Variants in TEAD1 observed in about 807,000 individuals in gnomAD.
The protein encoded by TEAD1 is transcriptional enhancer factor TEF-1.
Under a neutral mutation model 54.9 loss-of-function variants are expected in TEAD1, and 9 were observed. That is an observed-to-expected ratio of 0.16 (90% confidence interval 0.10 to 0.29). The LOEUF is 0.29. Among genes scored for constraint, TEAD1 ranks in the 10% least tolerant of loss-of-function variants. TEAD1 has a pLI of 1.00. For synonymous variants in TEAD1, 200 were observed against 187.8 expected, an observed-to-expected ratio of 1.07 and a Z score of -0.53; for missense variants, 387 against 535.9, an observed-to-expected ratio of 0.72 and a Z score of 2.74.
intron 3 of TEAD1, among the ~76,000 whole-genome samples, chr11:12,825,078 T>A (rs1278145791): frequency 6.6e-6 from 1 of 152,204 alleles, no homozygotes; most frequent in Non-Finnish European, 1.5e-5. Context: ...TTCATCAGTA[T>A]AAGAAAATAT....
intron 2 of TEAD1, among the ~76,000 whole-genome samples, chr11:12,748,912 C>CAGGAGGGG (rs1176699722): frequency 1.3e-5 from 2 of 151,832 alleles, no homozygotes; most frequent in Non-Finnish European, 2.9e-5. Context: ...TCATTTAGAT[C>CAGGAGGGG]AGGAGGGGAG....
At position 12,930,224 on chromosome 11, in the gene TEAD1, C is replaced by T. The variant is rs539505905; in HGVS notation, c.1065C>T (p.Arg355=). 3 of 1,614,230 alleles carry T rather than the reference C, an allele frequency of 1.9e-6. No individual in the cohort carries two copies. Among genetic ancestry groups the T allele is most frequent in the African/African-American group, 2.7e-5 (2 of 75,058 alleles). The change falls in exon 12 of 13, where the codon CGC becomes CGT. Residue 355 remains arginine (R), a synonymous_variant. Transcript: ENST00000527636. ...GCCGATTTGTATACCGAATAAACCG[C>T]TCCCCAATGTGTGAATATATGATCA... is the stretch of plus-strand genomic sequence containing the variant.
intron 3 of TEAD1, among the ~76,000 whole-genome samples, chr11:12,821,154 G>T (rs1206003973): frequency 1.3e-5 from 2 of 152,188 alleles, no homozygotes; most frequent in Non-Finnish European, 2.9e-5. Context: ...GCCAGATCCT[G>T]TGTGGGATAC....
chr11:12,834,457 C>A (rs1946843247), intron 3 of TEAD1, among the ~76,000 whole-genome samples: 1 of 152,210 alleles, frequency 6.6e-6, no homozygotes, highest in Non-Finnish European at 1.5e-5. Context: ...CTTAATTGGT[C>A]TGAGGCTGTT....
At chr11:12,773,238 G>A (rs748547648) in intron 3 of TEAD1, among the ~76,000 whole-genome samples, 13 of 152,204 alleles carry the variant, frequency 8.5e-5, no homozygotes, top group Non-Finnish European at 1.2e-4. Flanking sequence ...GAACATACAC[G>A]TATAGGTCTT....
At chr11:12,894,575 C>G (rs1021836662) in intron 9 of TEAD1, among the ~76,000 whole-genome samples, 1 of 152,162 alleles carries the variant, frequency 6.6e-6, no homozygotes, top group East Asian at 1.9e-4. Context: ...AGGTAGGAAG[C>G]AGGTATCTGG....
At chr11:12,788,927 G>T (rs1438967184) in intron 3 of TEAD1, among the ~76,000 whole-genome samples, 1 of 152,132 alleles carries the variant, frequency 6.6e-6, no homozygotes, top group African/African-American at 2.4e-5. Context: ...TTAAGAGATG[G>T]GGTTTAGAGA....
intron 9 of TEAD1, among the ~76,000 whole-genome samples, chr11:12,893,932 G>A (rs1038205261): frequency 6.6e-5 from 10 of 152,258 alleles, no homozygotes; most frequent in South Asian, 2.1e-4. Flanking sequence ...CTGAATGTGC[G>A]GGAACCTGTC....
chr11:12,695,941 T>A (rs1943571172), intron 2 of TEAD1, among the ~76,000 whole-genome samples: 1 of 152,204 alleles, frequency 6.6e-6, no homozygotes, highest in Non-Finnish European at 1.5e-5. Flanking sequence ...AGATTCCTGC[T>A]AAGAACTCTT....
intron 2 of TEAD1, among the ~76,000 whole-genome samples, chr11:12,734,396 TAAG>T (rs1183578186): frequency 1.3e-5 from 2 of 152,314 alleles, no homozygotes; most frequent in South Asian, 4.1e-4. Flanking sequence ...TGCAGTGAGC[TAAG>T]GTTATTTTAT....
At chr11:12,750,038 T>A (rs1003723747) in intron 2 of TEAD1, among the ~76,000 whole-genome samples, 1 of 152,202 alleles carries the variant, frequency 6.6e-6, no homozygotes, top group African/African-American at 2.4e-5. Context: ...TATTTGTCGT[T>A]TAAAGGGTGG....
At chr11:12,709,188 A>G (rs1460005419) in intron 2 of TEAD1, among the ~76,000 whole-genome samples, 1 of 152,028 alleles carries the variant, frequency 6.6e-6, no homozygotes, top group African/African-American at 2.4e-5. Flanking sequence ...AAATACAAAA[A>G]TTGGTTGGGC....
rs141967089 is a variant in TEAD1 at position 12,786,421 on chromosome 11, G to A, written c.202+21987G>A. 2.9e-3 allele frequency among the ~76,000 whole-genome samples: 442 copies of A among 152,262 alleles called. 2 individuals are homozygous for A. The highest frequency in any genetic ancestry group is 3.7e-3 in the Non-Finnish European group (251 of 68,000). Reference sequence around the variant, plus strand: ...CAGCTGACCAGAGTGGTCTGGATTTGCCCATTCTCTCACTGGAGTTAGGAG... The same window carrying A: ...CAGCTGACCAGAGTGGTCTGGATTTACCCATTCTCTCACTGGAGTTAGGAG... On this transcript the variant is annotated intron_variant, in intron 3 of 12. Transcript: ENST00000527636.
rs973892078 is a variant in TEAD1, at chr11:12,941,160, G to A, written c.*3938G>A. The A allele has an allele frequency of 6.6e-6, 1 of 152,224 alleles. No individual in the cohort carries two copies. The highest frequency in any genetic ancestry group is 2.4e-5 in the African/African-American group (1 of 41,434). The allele number at this position is 152,224 out of a possible 1,614,324, so 9.4% of individuals were successfully genotyped here. On this transcript the variant is annotated 3_prime_UTR_variant, in exon 13 of 13. Coordinates refer to ENST00000527636, the MANE Select transcript of TEAD1 (RefSeq NM_021961.6). The stretch of plus-strand genomic sequence containing the variant: ...GACAGGTCAGCTTAGAAGAGATGGG[G>A]AGATTCAGGATCCCCCTGTGCCAGA...
At chr11:12,711,190 G>C (rs373120561) in intron 2 of TEAD1, among the ~76,000 whole-genome samples, 16 of 152,136 alleles carry the variant, frequency 1.1e-4, no homozygotes, top group African/African-American at 3.9e-4. Context: ...AGTCACTGGG[G>C]AGGCCACTGC....
intron 2 of TEAD1, among the ~76,000 whole-genome samples, chr11:12,761,666 A>G (rs559110574): frequency 6.6e-6 from 1 of 152,292 alleles, no homozygotes; most frequent in East Asian, 1.9e-4. Context: ...GATGGTTTCT[A>G]GTCTGGAAGA....
chr11:12,798,077 A>G (rs1952280979), intron 3 of TEAD1, among the ~76,000 whole-genome samples: 1 of 151,984 alleles, frequency 6.6e-6, no homozygotes, highest in Non-Finnish European at 1.5e-5. Context: ...CTGTATTTCC[A>G]CTTTTATGTT....
rs547389414 is a variant in TEAD1 at position 12,880,961 on chromosome 11, G to C, written c.466-44G>C. Reference sequence around the variant, plus strand: ...GCGTAGGCATCCTAAACTGTGCTTTGAAGTAAACTCGTAATTCTGAGGCCT... The same window carrying C: ...GCGTAGGCATCCTAAACTGTGCTTTCAAGTAAACTCGTAATTCTGAGGCCT... On this transcript the variant is annotated intron_variant, in intron 6 of 12. Coordinates refer to ENST00000527636, the MANE Select transcript of TEAD1 (RefSeq NM_021961.6). 3.2e-5 allele frequency: 52 copies of C among 1,612,018 alleles called. 1 individual carries two copies. In the Admixed American group the frequency reaches 5.2e-4, roughly 16 times the overall value.
At chr11:12,881,561 G>A (rs1218351984) in intron 7 of TEAD1, among the ~76,000 whole-genome samples, 1 of 152,218 alleles carries the variant, frequency 6.6e-6, no homozygotes, top group East Asian at 1.9e-4. Context: ...TTGGCCTAGA[G>A]AAGGAGAGCC....
Sources: allele counts gnomAD v4.1 joint callset (sites outside exome capture counted in the v4.1 genomes callset), GRCh38; gene constraint gnomAD v4.1.1; transcripts MANE v1.5; gene names NCBI Gene and HGNC (gene_info 2026-07-23, HGNC 2026-07-21).